Variants in PHF20 observed in about 807,000 individuals in gnomAD.
PHF20 encodes glioma-expressed antigen 2.
In PHF20, 23 loss-of-function variants were observed where a neutral mutation model predicts 113.5. The ratio of observed to expected loss-of-function variants is 0.20; its 90% CI spans 0.15 to 0.29. The LOEUF is 0.29. Ranked by LOEUF, PHF20 falls within the 10% of genes least tolerant of loss-of-function variation. The pLI is 1.00. For missense variants in PHF20, 943 were observed against 1,219.6 expected (o/e 0.77, Z 3.38); for synonymous variants, 434 against 457.3 (o/e 0.95, Z 0.65).
intron 9 of PHF20, among the ~76,000 whole-genome samples, chr20:35,882,090 T>G (rs6060658): frequency 0.076 from 11,621 of 152,320 alleles, 688 homozygotes; most frequent in South Asian, 0.2. Context: ...TGAACACTTT[T>G]TAAATGTGTT....
intron 10 of PHF20, among the ~76,000 whole-genome samples, chr20:35,903,098 G>A (rs1397271398): frequency 3.1e-5 from 1 of 32,712 alleles, no homozygotes; most frequent in Non-Finnish European, 5.6e-5. Flanking sequence ...TTTTTTTTGA[G>A]TAATTGATTT....
chr20:35,870,835 TA>T, intron 7 of PHF20, 119 bp from the exon 8 acceptor site: 1 of 641,582 alleles, frequency 1.6e-6, no homozygotes, highest in Non-Finnish European at 2.6e-6. Flanking sequence ...ATCACTACTC[TA>T]ACATTCCAGT....
At chr20:35,823,481 G>A (rs1438937154) in intron 2 of PHF20, among the ~76,000 whole-genome samples, 1 of 150,150 alleles carries the variant, frequency 6.7e-6, no homozygotes, top group Non-Finnish European at 1.5e-5. Flanking sequence ...AATAATAGCT[G>A]GGTGTGGTGG....
chr20:35,856,697 G>A (rs2042834024), intron 4 of PHF20, among the ~76,000 whole-genome samples: 1 of 152,206 alleles, frequency 6.6e-6, no homozygotes. Flanking sequence ...ATTAGTAGCT[G>A]AAAAGCCCGG....
intron 2 of PHF20, among the ~76,000 whole-genome samples, chr20:35,823,851 C>T (rs915090382): frequency 1.3e-5 from 2 of 152,126 alleles, no homozygotes; most frequent in African/African-American, 4.8e-5. Flanking sequence ...GATTTGGCTT[C>T]TTAAACTTAG....
chr20:35,883,922 G>C (rs1041767372), intron 9 of PHF20, among the ~76,000 whole-genome samples: 2 of 152,184 alleles, frequency 1.3e-5, no homozygotes, highest in African/African-American at 4.8e-5. Flanking sequence ...AGAGTAAGAG[G>C]CTTAGTAGGG....
chr20:35,834,052 C>T lies in PHF20; in HGVS notation c.84-8521C>T, dbSNP rs537970094. On this transcript the variant is annotated intron_variant, in intron 2 of 17. Coordinates refer to ENST00000374012, the MANE Select transcript of PHF20 (RefSeq NM_016436.5). ...CAGCCTGGGCGACAGAGTGAGATTC[C>T]GTCTCAAAAATAAATAAATAAATAA... 4.4e-3 allele frequency among the ~76,000 whole-genome samples: 663 copies of T among 149,366 alleles called. 1 individual carries two copies. The highest frequency in any genetic ancestry group is 6.8e-3 in the Non-Finnish European group (455 of 66,784).
chr20:35,807,602 C>T (rs1242775580), intron 2 of PHF20, among the ~76,000 whole-genome samples: 1 of 152,072 alleles, frequency 6.6e-6, no homozygotes, highest in Non-Finnish European at 1.5e-5. Flanking sequence ...ATCTGCTCAC[C>T]TCGGCTTCCT....
chr20:35,809,873 A>C (rs1298798256), intron 2 of PHF20, among the ~76,000 whole-genome samples: 1 of 152,196 alleles, frequency 6.6e-6, no homozygotes, highest in Non-Finnish European at 1.5e-5. Context: ...ATGCCTAGGC[A>C]GATAGGGACA....
intron 9 of PHF20, among the ~76,000 whole-genome samples, chr20:35,881,192 G>A (rs1346411741): frequency 6.6e-6 from 1 of 150,636 alleles, no homozygotes; most frequent in Non-Finnish European, 1.5e-5. Context: ...TGAGTAGCTT[G>A]GATTACAGGC....
chr20:35,934,534 C>T (rs1180403902), intron 15 of PHF20, among the ~76,000 whole-genome samples: 1 of 152,210 alleles, frequency 6.6e-6, no homozygotes, highest in Non-Finnish European at 1.5e-5. Context: ...TTCCTTTTGT[C>T]TTATTGCTCT....
chr20:35,844,220 A>G (rs184709900), intron 3 of PHF20, among the ~76,000 whole-genome samples: 121 of 151,790 alleles, frequency 8.0e-4, no homozygotes, highest in African/African-American at 2.7e-3. Flanking sequence ...CCCCTGCCTT[A>G]TCCTCCTGAG....
chr20:35,878,133 T>C (rs747630992), intron 9 of PHF20, among the ~76,000 whole-genome samples: 11 of 152,176 alleles, frequency 7.2e-5, no homozygotes, highest in Non-Finnish European at 1.3e-4. Context: ...TTTGGGAAAT[T>C]GTGTGTGTCT....
chr20:35,805,637 G>A (rs1328682310), intron 2 of PHF20, among the ~76,000 whole-genome samples: 2 of 151,018 alleles, frequency 1.3e-5, no homozygotes, highest in Admixed American at 6.6e-5. Context: ...CCAGCCACAC[G>A]CCTGATTAAT....
At chr20:35,836,820 C>G (rs1331837994) in intron 2 of PHF20, among the ~76,000 whole-genome samples, 4 of 145,914 alleles carry the variant, frequency 2.7e-5, no homozygotes, top group Non-Finnish European at 6.0e-5. Flanking sequence ...GCACTCCAGC[C>G]TGGGTGACAG....
intron 10 of PHF20, among the ~76,000 whole-genome samples, chr20:35,901,212 C>T (rs554781315): frequency 1.3e-5 from 2 of 152,018 alleles, no homozygotes; most frequent in Non-Finnish European, 2.9e-5. Context: ...GTCAGGAGTT[C>T]GAGACCAGCC....
chr20:35,809,917 A>G (rs1204663327), intron 2 of PHF20, among the ~76,000 whole-genome samples: 1 of 152,066 alleles, frequency 6.6e-6, no homozygotes, highest in South Asian at 2.1e-4. Context: ...CAAACCAAGG[A>G]CAGTTTGTTT....
intron 2 of PHF20, among the ~76,000 whole-genome samples, chr20:35,822,928 A>T (rs942346054): frequency 1.3e-5 from 2 of 151,534 alleles, no homozygotes; most frequent in Non-Finnish European, 2.9e-5. Context: ...CCCCACTTTC[A>T]ACATCCTGCA....
Position 35,927,879 on chromosome 20 carries a change from G to T in PHF20, c.2104G>T (p.Gly702Cys), listed in dbSNP as rs2055673736. ...CTGTTATGTTTGCCAAGACCCTCCA[G>T]GTAGAGATTTCTGGAGTCAGGGATA... ...YTCYVCQDPP[G>C]QRPGFKYWYD... The change falls in exon 14 of 18, where the codon GGT (glycine) becomes TGT (cysteine). Residue 702 changes from glycine to cysteine, a missense_variant and splice_region_variant. Physicochemically the swap from Gly to Cys is radical, Grantham distance 159. Around this residue, in one of 3 missense-constraint regions of PHF20, gnomAD observed 349 missense variants for 412.3 expected, o/e 0.85. Transcript: ENST00000374012. 6.2e-7 allele frequency: 1 copy of T among 1,606,044 alleles called. No homozygotes were observed. Among genetic ancestry groups the T allele is most frequent in the Non-Finnish European group, 8.5e-7 (1 of 1,172,720 alleles).
Sources: allele counts gnomAD v4.1 joint callset (sites outside exome capture counted in the v4.1 genomes callset), GRCh38; gene constraint gnomAD v4.1.1; regional missense constraint gnomAD v4.1.1; transcripts MANE v1.5; gene names NCBI Gene and HGNC (gene_info 2026-07-23, HGNC 2026-07-21).